Variants in ZNF804A observed in about 807,000 individuals in gnomAD.
ZNF804A encodes the protein zinc finger protein 804A.
A neutral mutation model predicts 16.5 loss-of-function variants in ZNF804A; 2 were observed. The observed-to-expected ratio is 0.12, with a 90% confidence interval of 0.05 to 0.38. The LOEUF (loss-of-function observed/expected upper bound fraction) is 0.38, where lower values mean the gene tolerates loss of function less well. Ranked by LOEUF, ZNF804A falls within the 10% of genes least tolerant of loss-of-function variation. The pLI, the probability that ZNF804A is intolerant of heterozygous loss-of-function variation, is 0.99. For synonymous variants in ZNF804A, 534 were observed against 489.6 expected (o/e 1.09, Z -1.20); for missense variants, 1,473 against 1,390.7 (o/e 1.06, Z -0.94).
intron 1 of ZNF804A, among the ~76,000 whole-genome samples, chr2:184,676,305 T>TG (rs1692432179): frequency 6.6e-6 from 1 of 151,384 alleles, no homozygotes; most frequent in Non-Finnish European, 1.5e-5. Context: ...CTTTTTTTTT[T>TG]CCAAATCTTA....
intron 1 of ZNF804A, among the ~76,000 whole-genome samples, chr2:184,717,391 G>A (rs973631821): frequency 2.0e-5 from 3 of 151,974 alleles, no homozygotes; most frequent in Admixed American, 6.6e-5. Context: ...CTGTCCTGCT[G>A]TTCCAAAATA....
intron 1 of ZNF804A, among the ~76,000 whole-genome samples, chr2:184,701,013 T>C (rs1300721853): frequency 1.3e-5 from 2 of 151,940 alleles, no homozygotes; most frequent in Non-Finnish European, 2.9e-5. Context: ...ATAAAATACA[T>C]TGTTGTGAAC....
intron 2 of ZNF804A, among the ~76,000 whole-genome samples, chr2:184,872,630 C>T (rs945527942): frequency 2.4e-4 from 36 of 152,038 alleles, no homozygotes; most frequent in Non-Finnish European, 5.3e-4. Context: ...AGGACAAAAA[C>T]CTGTTCACAT....
chr2:184,672,834 C>A (rs1358663951), intron 1 of ZNF804A, among the ~76,000 whole-genome samples: 2 of 151,998 alleles, frequency 1.3e-5, no homozygotes, highest in Admixed American at 1.3e-4. Flanking sequence ...CTCTGCCTCC[C>A]AGGTTCAAGC....
chr2:184,885,736 G>C (rs1684878525), intron 2 of ZNF804A, among the ~76,000 whole-genome samples: 1 of 152,112 alleles, frequency 6.6e-6, no homozygotes, highest in South Asian at 2.1e-4. Context: ...AACCAAAGTG[G>C]AAAACCCCAG....
chr2:184,887,751 C>T (rs967678874), intron 2 of ZNF804A, among the ~76,000 whole-genome samples: 7 of 152,178 alleles, frequency 4.6e-5, no homozygotes, highest in African/African-American at 1.7e-4. Context: ...ATTCAATTAC[C>T]TCCCCCTTGG....
At chr2:184,627,490 G>A (rs1253381611) in intron 1 of ZNF804A, among the ~76,000 whole-genome samples, 1 of 151,740 alleles carries the variant, frequency 6.6e-6, no homozygotes, top group African/African-American at 2.4e-5. Context: ...ATTTTTCCTT[G>A]ATCAAATTGT....
intron 1 of ZNF804A, among the ~76,000 whole-genome samples, chr2:184,660,957 T>C (rs1385743200): frequency 1.3e-5 from 2 of 152,238 alleles, no homozygotes; most frequent in Non-Finnish European, 2.9e-5. Context: ...CTTCCAGAAG[T>C]AGTTTGAACA....
intron 2 of ZNF804A, among the ~76,000 whole-genome samples, chr2:184,897,836 T>C (rs552425228): frequency 1.8e-4 from 28 of 152,076 alleles, no homozygotes; most frequent in Non-Finnish European, 3.7e-4. Flanking sequence ...TTTTAGAAGT[T>C]CCTTTCTTTA....
chr2:184,880,995 C>T (rs1233893639), intron 2 of ZNF804A, among the ~76,000 whole-genome samples: 6 of 151,766 alleles, frequency 4.0e-5, no homozygotes, highest in Admixed American at 6.6e-5. Context: ...TAGTTGAAAC[C>T]CAATCCAAGA....
At chr2:184,806,802 A>G (rs921049879) in intron 1 of ZNF804A, among the ~76,000 whole-genome samples, 1 of 151,842 alleles carries the variant, frequency 6.6e-6, no homozygotes, top group African/African-American at 2.4e-5. Context: ...ACTGAGTTCT[A>G]CTAAAACAGA....
In ZNF804A at chr2:184,678,968, A is replaced by C. The variant is rs1692486391; in HGVS notation, c.111+79898A>C. On this transcript the variant is annotated intron_variant, in intron 1 of 3. Coordinates refer to ENST00000302277, the MANE Select transcript of ZNF804A (RefSeq NM_194250.2). ...TTTAAAATATGGAAACAAACCATAC[A>C]TATTATTATAAATATATAGTGAGAC... Among the ~76,000 whole-genome samples, 4 of 152,346 alleles carry C rather than the reference A, an allele frequency of 2.6e-5. No homozygotes were observed. The South Asian group carries it at 8.3e-4, about 32-fold the overall frequency.
intron 1 of ZNF804A, among the ~76,000 whole-genome samples, chr2:184,767,712 A>T (rs1307719246): frequency 6.6e-6 from 1 of 152,174 alleles, no homozygotes; most frequent in East Asian, 1.9e-4. Flanking sequence ...ATGTAAAAGT[A>T]AAATTATAAT....
chr2:184,775,485 A>G (rs551458026), intron 1 of ZNF804A, among the ~76,000 whole-genome samples: 12 of 151,752 alleles, frequency 7.9e-5, no homozygotes, highest in Admixed American at 1.3e-4. Context: ...GGCCGGTGCC[A>G]TTTCTCGGTT....
At chr2:184,932,682 T>G (rs1449148330) in intron 2 of ZNF804A, among the ~76,000 whole-genome samples, 1 of 152,156 alleles carries the variant, frequency 6.6e-6, no homozygotes. Flanking sequence ...CATAATAACA[T>G]GAACCATTAG....
At chr2:184,732,994 C>G (rs536104899) in intron 1 of ZNF804A, among the ~76,000 whole-genome samples, 1 of 152,102 alleles carries the variant, frequency 6.6e-6, no homozygotes, top group Non-Finnish European at 1.5e-5. Context: ...AGTGTTACAT[C>G]TTCCTTCCAA....
chr2:184,700,265 T>A (rs1249767938), intron 1 of ZNF804A, among the ~76,000 whole-genome samples: 1 of 152,256 alleles, frequency 6.6e-6, no homozygotes, highest in Admixed American at 6.5e-5. Context: ...AATTCATGAA[T>A]GACTGAATGA....
chr2:184,661,888 C>T lies in ZNF804A; in HGVS notation c.111+62818C>T, dbSNP rs184267052. ...CACCAACATTTTTAAACTCCAGTTTCTCCTTTCCAGTATATAATTTGGAAT... is the reference window on the plus strand; with the variant it reads ...CACCAACATTTTTAAACTCCAGTTTTTCCTTTCCAGTATATAATTTGGAAT... On this transcript the variant is annotated intron_variant, in intron 1 of 3. Transcript: ENST00000302277. Among the ~76,000 whole-genome samples, 165 of 152,314 alleles carry T rather than the reference C, an allele frequency of 1.1e-3. 2 individuals carry two copies. In the South Asian group the frequency reaches 0.02, roughly 18 times the overall value.
intron 1 of ZNF804A, among the ~76,000 whole-genome samples, chr2:184,783,976 C>A (rs1324018120): frequency 6.6e-6 from 1 of 151,962 alleles, no homozygotes; most frequent in African/African-American, 2.4e-5. Context: ...TTAAATGCTT[C>A]ATTATTGCCA....
Sources: gnomAD v4.1 joint callset for allele counts (sites outside exome capture counted in the v4.1 genomes callset) on GRCh38, gnomAD v4.1.1 for gene constraint, MANE v1.5 for transcripts, NCBI Gene and HGNC (gene_info 2026-07-23, HGNC 2026-07-21) for gene names.